NEB: variants seen among roughly 807,000 people sequenced by gnomAD.
NEB encodes the protein nebulin, also known as nemaline myopathy type 2.
NEB carries 512 observed loss-of-function variants against 952.2 expected under a neutral mutation model. That is an observed-to-expected ratio of 0.54 (90% CI 0.50 to 0.58). The LOEUF (loss-of-function observed/expected upper bound fraction) is 0.58. Among genes scored for constraint, NEB ranks in the 20% least tolerant of loss-of-function variants. The pLI is 0.00. For synonymous variants in NEB, 2,900 were observed against 3,149.8 expected (o/e 0.92, Z 2.66); for missense variants, 8,428 against 9,231.1 (o/e 0.91, Z 3.56).
chr2:151,486,392 A>C (rs911222251), intron 181 of NEB: 5 of 159,708 alleles, frequency 3.1e-5, no homozygotes, highest in African/African-American at 7.2e-5. Context: ...TCCTTCATAA[A>C]CCACTGGTGG....
At position 151,625,900 on chromosome 2, in the gene NEB, G is replaced by A. The variant is rs144025991; in HGVS notation, c.10348-262C>T. Among the ~76,000 whole-genome samples, 378 of 151,994 alleles carry A rather than the reference G, an allele frequency of 2.5e-3. 2 individuals carry two copies. Among genetic ancestry groups the A allele is most frequent in the African/African-American group, 8.4e-3 (349 of 41,442 alleles). On this transcript the variant is annotated intron_variant, in intron 70 of 181. Transcript: ENST00000397345. ...TATACACACCCACGTGTGTGTGTTT[G>A]GTAACCAGGTCACTCTCACCCCAAT... is the stretch of plus-strand genomic sequence containing the variant.
rs2153657682 is a variant in NEB at position 151,553,476 on chromosome 2, C to T, written c.19653G>A (p.Trp6551Ter). 1 of 1,613,294 alleles carries T rather than the reference C, an allele frequency of 6.2e-7. No homozygotes were observed. ...AGACGTAGCAACCAATGCCTTTCAG[C>T]CAGTTGAGGTCATCCTTGTATACAA... ...SDIVYKDDLN[W>*]LKGIGCYVWD... The change falls in exon 127 of 182, where the codon TGG (tryptophan) becomes TGA (stop). Residue 6551 changes from tryptophan (W) to a stop codon, truncating the protein, a stop_gained. Transcript: ENST00000397345. LOFTEE classifies it high-confidence loss of function.
intron 20 of NEB, 186 bp from the exon 21 acceptor site, chr2:151,692,548 T>A (rs1281268506): frequency 1.6e-6 from 1 of 636,838 alleles, no homozygotes; most frequent in Non-Finnish European, 2.8e-6. Context: ...TAATCTCATC[T>A]GCTAATAATC....
At chr2:151,662,860 A>G (rs982855230) in intron 45 of NEB, among the ~76,000 whole-genome samples, 2 of 152,100 alleles carry the variant, frequency 1.3e-5, no homozygotes, top group African/African-American at 4.8e-5. Context: ...CTCAGCTTTG[A>G]CATTTCTCTC....
chr2:151,576,357 G>A lies in NEB; in HGVS notation c.16705-3C>T, dbSNP rs917450314. Reference sequence around the variant, plus strand: ...TCCAAGTCAGCCTTGTAGAGGGCCTGAAAAAGAAAACACAGGTAGAAGCAG... The same window carrying A: ...TCCAAGTCAGCCTTGTAGAGGGCCTAAAAAAGAAAACACAGGTAGAAGCAG... On this transcript the variant is annotated splice_polypyrimidine_tract_variant and splice_region_variant and intron_variant, in intron 105 of 181. Coordinates refer to ENST00000397345, the MANE Select transcript of NEB (RefSeq NM_001164508.2). 6.3e-7 allele frequency: 1 copy of A among 1,580,924 alleles called. No homozygotes were observed. Among genetic ancestry groups the A allele is most frequent in the Non-Finnish European group, 8.6e-7 (1 of 1,159,642 alleles).
intron 34 of NEB, among the ~76,000 whole-genome samples, chr2:151,676,410 T>G (rs2099359802): frequency 6.6e-6 from 1 of 152,168 alleles, no homozygotes; most frequent in Admixed American, 6.5e-5. Context: ...CAGTCTCTCC[T>G]CTTTCCAAAG....
In NEB at chr2:151,655,367, T is replaced by C. The variant is rs1285888551; in HGVS notation, c.6710A>G (p.Tyr2237Cys). Residue 2237 changes from tyrosine to cysteine, a missense_variant, in exon 51 of 182, where the codon TAC becomes TGC. Coordinates refer to ENST00000397345, the MANE Select transcript of NEB (RefSeq NM_001164508.2). ...QNAHTMNKHL[Y>C]TIDWNKDKTK... ...CTTATCTTTATTCCAATCAATGGTGTATAAATGCTAGGAAGTGGGAAAAAA... is the reference window on the plus strand; with the variant it reads ...CTTATCTTTATTCCAATCAATGGTGCATAAATGCTAGGAAGTGGGAAAAAA... The C allele has an allele frequency of 1.3e-6, 2 of 1,557,820 alleles. No homozygotes were observed. Among genetic ancestry groups the C allele is most frequent in the Non-Finnish European group, 1.7e-6 (2 of 1,143,476 alleles).
chr2:151,678,712 G>T (rs1211745444), intron 32 of NEB, among the ~76,000 whole-genome samples: 2 of 152,234 alleles, frequency 1.3e-5, no homozygotes, highest in East Asian at 3.9e-4. Flanking sequence ...GGATAACAAA[G>T]TGAGGGGGAC....
At chr2:151,651,842 C>A (rs2099033333) in intron 52 of NEB, among the ~76,000 whole-genome samples, 1 of 152,090 alleles carries the variant, frequency 6.6e-6, no homozygotes, top group African/African-American at 2.4e-5. Context: ...AGCAATCTGA[C>A]AAAATTGCTT....
chr2:151,636,391 G>A, intron 63 of NEB, 57 bp from the exon 64 acceptor site: 1 of 1,345,590 alleles, frequency 7.4e-7, no homozygotes, highest in Non-Finnish European at 1.0e-6. Context: ...AACTGACAGA[G>A]GACTAAGACA....
chr2:151,730,094 T>G (rs1230171288), intron 3 of NEB, among the ~76,000 whole-genome samples: 1 of 152,066 alleles, frequency 6.6e-6, no homozygotes, highest in Non-Finnish European at 1.5e-5. Flanking sequence ...GAAACTCGAG[T>G]GTGAATACAT....
chr2:151,490,142 T>G, intron 180 of NEB, 65 bp from the exon 181 acceptor site: 1 of 1,323,996 alleles, frequency 7.6e-7, no homozygotes, highest in Non-Finnish European at 1.1e-6. Flanking sequence ...AATCTGTGTT[T>G]AGCAGCTGAG....
intron 81 of NEB, among the ~76,000 whole-genome samples, chr2:151,608,962 T>A (rs4664060): frequency 0.18 from 20,991 of 118,182 alleles, 5,468 homozygotes; most frequent in Middle Eastern, 0.28. Context: ...ATGAAAAAAT[T>A]GGCAAAGATT....
At chr2:151,617,532 A>G in intron 74 of NEB, 64 bp from the exon 75 acceptor site, 1 of 1,037,676 alleles carries the variant, frequency 9.6e-7, no homozygotes, top group Non-Finnish European at 1.4e-6. Context: ...CACAGATATT[A>G]TTGTTTTGAT....
intron 71 of NEB, among the ~76,000 whole-genome samples, chr2:151,622,387 C>T (rs181092205): frequency 1.3e-5 from 2 of 152,130 alleles, no homozygotes. Flanking sequence ...AAAATGAAAT[C>T]TTTATATTAT....
intron 145 of NEB, 97 bp from the exon 146 acceptor site, chr2:151,529,411 C>A: frequency 1.3e-6 from 1 of 787,594 alleles, no homozygotes; most frequent in Non-Finnish European, 2.2e-6. Flanking sequence ...GACTATAGTA[C>A]ACAATGCTCC....
chr2:151,713,590 T>A (rs2099751179), intron 10 of NEB, among the ~76,000 whole-genome samples: 1 of 152,116 alleles, frequency 6.6e-6, no homozygotes, highest in African/African-American at 2.4e-5. Flanking sequence ...CAACCTGAAA[T>A]CTCATATTTT....
At chr2:151,633,323 A>C (rs2098704586) in intron 65 of NEB, among the ~76,000 whole-genome samples, 1 of 152,188 alleles carries the variant, frequency 6.6e-6, no homozygotes, top group Non-Finnish European at 1.5e-5. Flanking sequence ...CAAAGAAGCC[A>C]AAAACAAATT....
intron 36 of NEB, among the ~76,000 whole-genome samples, chr2:151,673,543 G>A (rs1013427461): frequency 4.6e-5 from 7 of 151,652 alleles, no homozygotes; most frequent in South Asian, 2.1e-4. Context: ...GCAGACCTCC[G>A]AGGAAGATGT....
Sources: allele counts gnomAD v4.1 joint callset (sites outside exome capture counted in the v4.1 genomes callset), GRCh38; gene constraint gnomAD v4.1.1; transcripts MANE v1.5; gene names NCBI Gene and HGNC (gene_info 2026-07-23, HGNC 2026-07-21).